ADGRV1: variants seen among roughly 807,000 people sequenced by gnomAD.
ADGRV1 encodes adhesion G protein-coupled receptor V1, also known as G-protein coupled receptor 98.
In ADGRV1, 359 loss-of-function variants were observed where a neutral mutation model predicts 596.2. The observed-to-expected ratio is 0.60, with a 90% CI of 0.55 to 0.66. The LOEUF is 0.66. ADGRV1 is among the 30% of genes least tolerant of loss of function. The pLI, the probability that ADGRV1 is intolerant of heterozygous loss-of-function variation, is 0.00. For synonymous variants in ADGRV1, 2,681 were observed against 2,679.2 expected, an observed-to-expected ratio of 1.00 and a Z score of -0.02; for missense variants, 7,274 against 7,575.6, an observed-to-expected ratio of 0.96 and a Z score of 1.48.
chr5:90,750,146 T>G (rs1755080423), intron 52 of ADGRV1, among the ~76,000 whole-genome samples: 1 of 152,074 alleles, frequency 6.6e-6, no homozygotes, highest in African/African-American at 2.4e-5. Flanking sequence ...TTGCCAGAAG[T>G]TACACAGAGG....
At chr5:90,823,290 T>G in intron 75 of ADGRV1, 135 bp from the exon 76 acceptor site, 1 of 848,726 alleles carries the variant, frequency 1.2e-6, no homozygotes, top group Middle Eastern at 2.8e-4. Flanking sequence ...AGTGGTAAAG[T>G]AAGTGCTATA....
Position 90,975,275 on chromosome 5 carries a change from T to C in ADGRV1, c.17973+9744T>C, listed in dbSNP as rs185454870. 2.1e-3 allele frequency among the ~76,000 whole-genome samples: 315 copies of C among 152,168 alleles called. 1 individual carries two copies. The highest frequency in any genetic ancestry group is 7.0e-3 in the African/African-American group (292 of 41,498). On this transcript the variant is annotated intron_variant, in intron 84 of 89. Transcript: ENST00000405460. Reference sequence around the variant, plus strand: ...GTGGGACTGTAAATTAGTTCAACCATTGTGGAAGACAGTGTGGCGATTCCT... The same window carrying C: ...GTGGGACTGTAAATTAGTTCAACCACTGTGGAAGACAGTGTGGCGATTCCT...
chr5:90,779,148 AG>A (rs1758584060), intron 64 of ADGRV1, 51 bp downstream of exon 64: 1 of 1,115,552 alleles, frequency 9.0e-7, no homozygotes, highest in South Asian at 1.4e-5. Context: ...AGAGAGAAAG[AG>A]AGAAAGTTCT....
chr5:90,817,739 C>T (rs369062002), intron 75 of ADGRV1, among the ~76,000 whole-genome samples: 4 of 152,030 alleles, frequency 2.6e-5, no homozygotes, highest in Admixed American at 6.5e-5. Flanking sequence ...TGCGGCGTTA[C>T]TTCTGAGGGC....
intron 83 of ADGRV1, among the ~76,000 whole-genome samples, chr5:90,956,683 C>G (rs1777512147): frequency 6.6e-6 from 1 of 152,134 alleles, no homozygotes; most frequent in South Asian, 2.1e-4. Context: ...ACTTTATGTA[C>G]TTCTAGAGAA....
intron 71 of ADGRV1, 126 bp downstream of exon 71, chr5:90,803,008 G>A: frequency 1.6e-6 from 1 of 631,146 alleles, no homozygotes; most frequent in Non-Finnish European, 2.5e-6. Flanking sequence ...ATAACTCTGT[G>A]AATATCAAAG....
intron 87 of ADGRV1, among the ~76,000 whole-genome samples, chr5:91,136,327 T>A (rs1031346039): frequency 6.6e-6 from 1 of 152,122 alleles, no homozygotes. Flanking sequence ...TGGTCAAGAA[T>A]TGTATTTAGA....
chr5:90,597,765 G>A (rs1760881718), intron 1 of ADGRV1, among the ~76,000 whole-genome samples: 1 of 151,986 alleles, frequency 6.6e-6, no homozygotes. Context: ...AAGAGAAGAG[G>A]AAGATAAATT....
chr5:90,854,242 C>T, intron 81 of ADGRV1, 41 bp downstream of exon 81: 1 of 1,467,976 alleles, frequency 6.8e-7, no homozygotes, highest in Non-Finnish European at 9.1e-7. Context: ...TTTGGTCCTT[C>T]CCCATTTCGG....
chr5:90,668,834 G>A (rs1772003261), intron 21 of ADGRV1, among the ~76,000 whole-genome samples: 1 of 151,988 alleles, frequency 6.6e-6, no homozygotes, highest in Non-Finnish European at 1.5e-5. Context: ...TTTTGATGAA[G>A]GTTTTAGTAA....
At chr5:90,676,388 A>G (rs560999180) in intron 25 of ADGRV1, among the ~76,000 whole-genome samples, 179 bp downstream of exon 25, 2 of 152,300 alleles carry the variant, frequency 1.3e-5, no homozygotes, top group East Asian at 3.9e-4. Context: ...ATGATAATAT[A>G]TACCATAATA....
rs60457631 is a variant in ADGRV1, at chr5:90,753,345, A to ATT, written c.11122-221_11122-220dup. On this transcript the variant is annotated intron_variant, in intron 53 of 89. Coordinates refer to ENST00000405460, the MANE Select transcript of ADGRV1 (RefSeq NM_032119.4). Reference sequence around the variant, plus strand: ...CTCCAGTATTTGACAATTTGGCTGCATTTTTTTTTATTAGCTTAAAGTTTA... The same window carrying ATT: ...CTCCAGTATTTGACAATTTGGCTGCATTTTTTTTTTTATTAGCTTAAAGTTTA... Among the ~76,000 whole-genome samples the ATT allele has an allele frequency of 1.1e-3, 172 of 151,112 alleles. 2 individuals are homozygous for ATT. Among genetic ancestry groups the ATT allele is most frequent in the Non-Finnish European group, 1.5e-3 (104 of 67,732 alleles).
intron 83 of ADGRV1, among the ~76,000 whole-genome samples, chr5:90,914,283 G>C (rs571519045): frequency 2.6e-5 from 4 of 152,240 alleles, no homozygotes; most frequent in African/African-American, 9.6e-5. Context: ...CAGATTTTCA[G>C]GTTAGGGATA....
At chr5:91,160,327 A>G (rs2126956839) in intron 89 of ADGRV1, among the ~76,000 whole-genome samples, 1 of 152,322 alleles carries the variant, frequency 6.6e-6, no homozygotes, top group East Asian at 1.9e-4. Flanking sequence ...TTAGGTAAGA[A>G]TCAAAATGGA....
chr5:90,563,954 G>C (rs1420485842), intron 1 of ADGRV1, among the ~76,000 whole-genome samples: 1 of 152,170 alleles, frequency 6.6e-6, no homozygotes, highest in Non-Finnish European at 1.5e-5. Flanking sequence ...ATATTTTCCT[G>C]TAATCCATGT....
chr5:90,828,278 T>A, intron 76 of ADGRV1, among the ~76,000 whole-genome samples: 1 of 152,034 alleles, frequency 6.6e-6, no homozygotes, highest in East Asian at 1.9e-4. Flanking sequence ...TTGATTATAT[T>A]TATTTAAAAC....
intron 83 of ADGRV1, among the ~76,000 whole-genome samples, chr5:90,923,706 TGC>T (rs1774111995): frequency 3.9e-5 from 6 of 152,300 alleles, no homozygotes; most frequent in Non-Finnish European, 8.8e-5. Flanking sequence ...TGTATACATG[TGC>T]CATGCTGGTG....
At chr5:90,563,271 A>C (rs1040262917) in intron 1 of ADGRV1, among the ~76,000 whole-genome samples, 1 of 152,242 alleles carries the variant, frequency 6.6e-6, no homozygotes, top group Non-Finnish European at 1.5e-5. Flanking sequence ...ATTTGGTTAC[A>C]TGCAACGAAG....
intron 29 of ADGRV1, among the ~76,000 whole-genome samples, chr5:90,688,475 C>A (rs1236289964): frequency 6.6e-6 from 1 of 152,116 alleles, no homozygotes; most frequent in African/African-American, 2.4e-5. Context: ...CCTGCCTCAG[C>A]CTTCCGGGTA....
Sources: gnomAD v4.1 joint callset for allele counts (sites outside exome capture counted in the v4.1 genomes callset) on GRCh38, gnomAD v4.1.1 for gene constraint, MANE v1.5 for transcripts, NCBI Gene and HGNC (gene_info 2026-07-23, HGNC 2026-07-21) for gene names.